KLHDC4: variants seen among roughly 807,000 people sequenced by gnomAD.
KLHDC4 encodes kelch domain containing 4.
Under a neutral mutation model 62.4 loss-of-function variants are expected in KLHDC4, and 90 were observed. That is an observed-to-expected ratio of 1.44 (90% CI 1.22 to 1.72). The LOEUF (loss-of-function observed/expected upper bound fraction) is 1.72, where lower values mean the gene tolerates loss of function less well. Among genes scored for constraint, KLHDC4 ranks in the 40% most tolerant of loss-of-function variants. KLHDC4 has a pLI of 0.00. For missense variants in KLHDC4, 1,025 were observed against 699.7 expected, an observed-to-expected ratio of 1.47 and a Z score of -5.25; for synonymous variants, 386 against 284.4, an observed-to-expected ratio of 1.36 and a Z score of -3.59.
Position 87,748,752 on chromosome 16 carries a change from A to C in KLHDC4, c.427T>G (p.Ser143Ala), listed in dbSNP as rs1022364089. Residue 143 changes from serine (S) to alanine (A), a missense_variant, in exon 5 of 12, where the codon TCT becomes GCT. Coordinates refer to ENST00000270583, the MANE Select transcript of KLHDC4 (RefSeq NM_017566.4). ...TGGTAGAACTGCTCTCCGTTGGGAGAGGCAAACTCCCCTCCAAAGACCCAC... is the reference window on the plus strand; with the variant it reads ...TGGTAGAACTGCTCTCCGTTGGGAGCGGCAAACTCCCCTCCAAAGACCCAC... Reference protein sequence around the residue: ...QLWVFGGEFASPNGEQFYHYK... With the variant: ...QLWVFGGEFAAPNGEQFYHYK... 1.2e-6 allele frequency: 2 copies of C among 1,613,050 alleles called. No individual in the cohort carries two copies. The highest frequency in any genetic ancestry group is 1.7e-5 in the Admixed American group (1 of 59,874).
exon 1 of KLHDC4, chr16:87,698,844 G>T (rs536268978): frequency 6.6e-6 from 1 of 152,406 alleles, no homozygotes; most frequent in South Asian, 2.1e-4. Context: ...GGCAGGGCAG[G>T]ACAGCATGTG....
At chr16:87,740,493 C>G (rs549602870) in intron 5 of KLHDC4, 2 of 152,332 alleles carry the variant, frequency 1.3e-5, no homozygotes, top group African/African-American at 4.8e-5. Flanking sequence ...AACAGGGCCT[C>G]TCTCCCGCCC....
chr16:87,709,133 G>A, intron 10 of KLHDC4, 132 bp downstream of exon 10: 1 of 1,158,378 alleles, frequency 8.6e-7, no homozygotes, highest in Non-Finnish European at 1.2e-6. Flanking sequence ...TGACCGTGGA[G>A]GCAGGAGCAC....
chr16:87,701,228 G>A (rs956362265), exon 1 of KLHDC4: 1 of 228,916 alleles, frequency 4.4e-6, no homozygotes, highest in East Asian at 1.1e-4. Flanking sequence ...GATGAGCAGA[G>A]GCGGGGGCTG....
intron 5 of KLHDC4, among the ~76,000 whole-genome samples, chr16:87,738,546 C>A (rs2041742465): frequency 6.6e-6 from 1 of 151,808 alleles, no homozygotes; most frequent in Non-Finnish European, 1.5e-5. Flanking sequence ...ATCCACACAC[C>A]AGCACCTCAT....
At chr16:87,735,041 C>CG (rs1567745295) in intron 5 of KLHDC4, among the ~76,000 whole-genome samples, 1 of 138,484 alleles carries the variant, frequency 7.2e-6, no homozygotes, top group African/African-American at 2.7e-5. Context: ...CCCCCTCCCC[C>CG]CCAGACGAAT....
chr16:87,732,171 C>G (rs1210526530), intron 5 of KLHDC4, among the ~76,000 whole-genome samples: 1 of 151,818 alleles, frequency 6.6e-6, no homozygotes, highest in African/African-American at 2.4e-5. Flanking sequence ...TCTCGGCTCC[C>G]TGCAACCTCC....
downstream of KLHDC4, among the ~76,000 whole-genome samples, chr16:87,703,991 G>A (rs2034346967): frequency 6.6e-6 from 1 of 152,252 alleles, no homozygotes; most frequent in African/African-American, 2.4e-5. Context: ...GAGAGCAGCG[G>A]TCACTAGCAA....
chr16:87,765,221 G>T (rs1028574257), intron 1 of KLHDC4: 5 of 455,914 alleles, frequency 1.1e-5, no homozygotes, highest in Non-Finnish European at 2.2e-5. Flanking sequence ...GGACCAGAGG[G>T]AAGGAGACAA....
At chr16:87,721,901 T>A (rs1297785258) in intron 7 of KLHDC4, among the ~76,000 whole-genome samples, 1 of 151,612 alleles carries the variant, frequency 6.6e-6, no homozygotes, top group Non-Finnish European at 1.5e-5. Flanking sequence ...TGCCCATGTG[T>A]CCATGGAAAC....
At position 87,709,254 on chromosome 16, in the gene KLHDC4, G is replaced by T. The variant is rs761627232; in HGVS notation, c.1447+11C>A. The T allele has an allele frequency of 1.7e-5, 28 of 1,601,240 alleles. No individual in the cohort carries two copies. Among genetic ancestry groups the T allele is most frequent in the African/African-American group, 2.7e-5 (2 of 74,782 alleles). ...CTCCCGGGCACGGAGGCACCAAGCT[G>T]CCTGGCTCACCTGGGTCCATCTCCA... is the stretch of plus-strand genomic sequence containing the variant. On this transcript the variant is annotated intron_variant, in intron 10 of 11. Transcript: ENST00000270583.
chr16:87,764,867 A>C (rs934667073), intron 1 of KLHDC4, among the ~76,000 whole-genome samples: 1 of 149,132 alleles, frequency 6.7e-6, no homozygotes, highest in Non-Finnish European at 1.5e-5. Context: ...GCCTAAGAGG[A>C]GTGTGAGGGA....
At chr16:87,764,221 TAA>T (rs1443688619) in intron 1 of KLHDC4, among the ~76,000 whole-genome samples, 2 of 152,190 alleles carry the variant, frequency 1.3e-5, no homozygotes, top group Non-Finnish European at 2.9e-5. Flanking sequence ...CCACTTATTT[TAA>T]AAGTTTGTTT....
intron 4 of KLHDC4, among the ~76,000 whole-genome samples, chr16:87,753,945 C>T (rs142753548): frequency 1.0e-3 from 154 of 147,270 alleles, no homozygotes; most frequent in African/African-American, 3.5e-3. Flanking sequence ...TGTACTCTTA[C>T]CTGGGTGACA....
chr16:87,733,318 A>T (rs1481829175), intron 5 of KLHDC4, among the ~76,000 whole-genome samples: 1 of 152,220 alleles, frequency 6.6e-6, no homozygotes, highest in Non-Finnish European at 1.5e-5. Flanking sequence ...AACAAAACAG[A>T]CAGGGGTGGT....
intron 5 of KLHDC4, among the ~76,000 whole-genome samples, chr16:87,738,002 G>C (rs1265379044): frequency 2.0e-5 from 3 of 152,142 alleles, no homozygotes; most frequent in Non-Finnish European, 4.4e-5. Context: ...CCTTCCAGCA[G>C]GGCAGGTTCT....
downstream of KLHDC4, among the ~76,000 whole-genome samples, chr16:87,706,546 G>T (rs1201261110): frequency 2.0e-5 from 3 of 152,322 alleles, no homozygotes; most frequent in African/African-American, 7.2e-5. Flanking sequence ...CACCAGACAG[G>T]TGTCCCCACC....
intron 2 of KLHDC4, 43 bp from the exon 3 acceptor site, chr16:87,756,520 T>G: frequency 7.0e-7 from 1 of 1,427,228 alleles, no homozygotes; most frequent in Non-Finnish European, 9.9e-7. Context: ...TCACCCCCGA[T>G]ACCCACCTGA....
At chr16:87,716,627 T>C (rs2037045703) in intron 7 of KLHDC4, among the ~76,000 whole-genome samples, 1 of 152,138 alleles carries the variant, frequency 6.6e-6, no homozygotes, top group South Asian at 2.1e-4. Flanking sequence ...TGGAGAATAG[T>C]GTTAGAAACC....
Sources: gnomAD v4.1 joint callset for allele counts (sites outside exome capture counted in the v4.1 genomes callset) on GRCh38, gnomAD v4.1.1 for gene constraint, MANE v1.5 for transcripts, NCBI Gene and HGNC (gene_info 2026-07-23, HGNC 2026-07-21) for gene names.